DBN1: variants seen among roughly 807,000 people sequenced by gnomAD.
DBN1 encodes the protein drebrin.
Under a neutral mutation model 83.5 loss-of-function variants are expected in DBN1, and 21 were observed. That is an observed-to-expected ratio of 0.25 (90% CI 0.18 to 0.36). The LOEUF is 0.36. DBN1 is among the 10% of genes least tolerant of loss of function. DBN1 has a pLI of 1.00. For missense variants in DBN1, 874 were observed against 935.7 expected, an observed-to-expected ratio of 0.93 and a Z score of 0.86; for synonymous variants, 381 against 384.9, an observed-to-expected ratio of 0.99 and a Z score of 0.12.
At chr5:177,468,467 C>G in intron 2 of DBN1, 1 of 564,220 alleles carries the variant, frequency 1.8e-6, no homozygotes. Flanking sequence ...GTTTGTTCTT[C>G]ACACTCAGGT....
At chr5:177,468,773 G>A (rs1014589578) in intron 2 of DBN1, 71 bp downstream of exon 2, 15 of 1,107,368 alleles carry the variant, frequency 1.4e-5, no homozygotes, top group Non-Finnish European at 1.7e-5. Context: ...CCTACAGCCA[G>A]GTGGGTGGGG....
intron 1 of DBN1, chr5:177,472,264 C>T: frequency 6.2e-7 from 1 of 1,610,102 alleles, no homozygotes; most frequent in Non-Finnish European, 8.5e-7. Flanking sequence ...GGCTGCCCTC[C>T]CAGTGTGCGG....
In DBN1 at chr5:177,468,867, T is replaced by G. The variant is rs1250036632; in HGVS notation, c.119A>C (p.Asp40Ala). ...ACCTCCTGATGCTGCAAGCTTGAGGTCATCGGAGCCATCTTCATATGTGTA... is the reference window on the plus strand; with the variant it reads ...ACCTCCTGATGCTGCAAGCTTGAGGGCATCGGAGCCATCTTCATATGTGTA... ...ALYTYEDGSD[D>A]LKLAASGEGG... is the part of the protein sequence containing the mutation. Residue 40 changes from aspartate (D) to alanine (A), a missense_variant, in exon 2 of 15, where the codon GAC (aspartate) becomes GCC (alanine). Transcript: ENST00000393565. 7.6e-7 allele frequency: 1 copy of G among 1,321,250 alleles called. No homozygotes were observed. Among genetic ancestry groups the G allele is most frequent in the Non-Finnish European group, 9.7e-7 (1 of 1,026,466 alleles). The allele number at this position is 1,321,250 out of a possible 1,614,324, so 81.8% of individuals were successfully genotyped here.
Position 177,473,424 on chromosome 5 carries a change from C to T in DBN1, c.86+12G>A. ...GGGACAAAGGGGCCGGGGGCGGGGG[C>T]GGGGGGCTCACCAGTCGGCCGCGCT... On this transcript the variant is annotated intron_variant, in intron 1 of 14. Transcript: ENST00000393565. 2.2e-6 allele frequency: 3 copies of T among 1,335,464 alleles called. No individual in the cohort carries two copies. The highest frequency in any genetic ancestry group is 2.5e-5 in the Admixed American group (1 of 40,028). The allele number at this position is 1,335,464 out of a possible 1,614,324, so 82.7% of individuals were successfully genotyped here.
At chr5:177,458,017 C>G (rs570717315) in intron 13 of DBN1, 41 bp downstream of exon 13, 1 of 1,612,448 alleles carries the variant, frequency 6.2e-7, no homozygotes, top group Non-Finnish European at 8.5e-7. Context: ...GCTCAGCCCC[C>G]ACTCCCTCCC....
In DBN1 at chr5:177,466,866, G is replaced by T. The variant is rs765505485; in HGVS notation, c.708-31C>A. The T allele has an allele frequency of 2.5e-6, 4 of 1,613,694 alleles. No individual in the cohort carries two copies. The Admixed American group carries it at 6.7e-5, about 27-fold the overall frequency. Reference sequence around the variant, plus strand: ...ACGATAAGCAGCCAGCACCCGTCAGGGTGCGCCCGGGGGCCCCTGGAGCGC... The same window carrying T: ...ACGATAAGCAGCCAGCACCCGTCAGTGTGCGCCCGGGGGCCCCTGGAGCGC... On this transcript the variant is annotated intron_variant, in intron 7 of 14. Transcript: ENST00000393565. The surrounding 1 kb of genome is among the most constrained non-coding windows in gnomAD (Gnocchi z 4.8).
chr5:177,459,326 T>C, intron 11 of DBN1, 58 bp from the exon 12 acceptor site: 1 of 1,576,316 alleles, frequency 6.3e-7, no homozygotes, highest in Non-Finnish European at 8.5e-7. Flanking sequence ...GAGACAGGAT[T>C]GTCCACCTTG....
rs775591763 is a variant in DBN1 at position 177,458,467 on chromosome 5, T to G, written c.1505A>C (p.Asp502Ala). The change falls in exon 13 of 15, where the codon GAC becomes GCC. Residue 502 changes from aspartate to alanine, a missense_variant. Asp to Ala is a moderately radical substitution (Grantham distance 126). Transcript: ENST00000393565. ...IHDAADTIET[D>A]TATADTTVAN... ...AACAGTGGTGTCAGCAGTGGCAGTG[T>G]CAGTTTCAATGGTGTCAGCTGCATC... The G allele has an allele frequency of 2.1e-5, 34 of 1,613,614 alleles. No individual in the cohort carries two copies. Among genetic ancestry groups the G allele is most frequent in the East Asian group, 8.9e-5 (4 of 44,882 alleles).
In DBN1 at chr5:177,458,114, C is replaced by T. The variant is rs568033644; in HGVS notation, c.1858G>A (p.Glu620Lys). The change falls in exon 13 of 15, where the codon GAG becomes AAG. Residue 620 changes from glutamate to lysine, a missense_variant. This residue lies in a region of DBN1 where 725 missense variants were observed against 719.7 expected (regional missense o/e 1.01). Coordinates refer to ENST00000393565, the MANE Select transcript of DBN1 (RefSeq NM_001363541.2). The part of the protein sequence containing the change: ...SALEELEQEQ[E>K]PEPHLLTNGE... ...TTGGTTAGCAGGTGGGGCTCCGGCT[C>T]CTGCTCTTGCTCCAGCTCCTCAAGG... The T allele has an allele frequency of 5.6e-6, 9 of 1,613,600 alleles. No individual in the cohort carries two copies. In the Admixed American group the frequency reaches 1.5e-4, roughly 27 times the overall value.
chr5:177,459,005 C>T (rs1756792409), intron 12 of DBN1, 93 bp downstream of exon 12: 19 of 1,525,740 alleles, frequency 1.2e-5, no homozygotes, highest in Non-Finnish European at 1.6e-5. Flanking sequence ...ATGGGTGGCC[C>T]AGATCCCTGG....
Position 177,458,258 on chromosome 5 carries a change from C to T in DBN1, c.1714G>A (p.Gly572Ser). The T allele has an allele frequency of 6.2e-7, 1 of 1,613,776 alleles. No homozygotes were observed. The highest frequency in any genetic ancestry group is 8.5e-7 in the Non-Finnish European group (1 of 1,179,918). The change falls in exon 13 of 15, where the codon GGC becomes AGC. Residue 572 changes from glycine (G) to serine (S), a missense_variant. Gly to Ser is a moderately conservative substitution (Grantham distance 56). Around this residue, in one of 4 missense-constraint regions of DBN1, gnomAD observed 725 missense variants for 719.7 expected, o/e 1.01. Coordinates refer to ENST00000393565, the MANE Select transcript of DBN1 (RefSeq NM_001363541.2). ...APEPLLPAGE[G>S]CATLLNFDEL... ...TCAAAGTTGAGAAGGGTGGCACAGC[C>T]TTCGCCTGCTGGCAGCAGTGGCTCC...
At position 177,466,772 on chromosome 5, in the gene DBN1, A is replaced by G; in HGVS notation, c.771T>C (p.Phe257=). The G allele has an allele frequency of 6.2e-7, 1 of 1,614,138 alleles. No individual in the cohort carries two copies. The change falls in exon 8 of 15, where the codon TTT becomes TTC. Residue 257 remains phenylalanine, a splice_region_variant and synonymous_variant. Coordinates refer to ENST00000393565, the MANE Select transcript of DBN1 (RefSeq NM_001363541.2). The surrounding 1 kb of genome is among the most constrained non-coding windows in gnomAD (Gnocchi z 4.8). The part of the protein sequence containing the change: ...AKRRLKEQSI[F]GDHRDEEEET... ...CCGGGAGCCTTGGCAAAGAACTTAC[A>G]AAGATAGACTGCTCCTTCAACCGCC...
At chr5:177,459,468 G>A (rs953696331) in intron 11 of DBN1, 135 bp downstream of exon 11, 17 of 1,338,220 alleles carry the variant, frequency 1.3e-5, no homozygotes, top group East Asian at 2.7e-5. Context: ...AAGGCCAGGG[G>A]CAAGAGGCAG....
Position 177,457,849 on chromosome 5 carries a change from T to A in DBN1, c.1915-92A>T, listed in dbSNP as rs562864701. ...AGCCCGTTTCCCCAGCAACCAATGA[T>A]TCCATCAGTGGTTGCCAGGGAAACA... is the stretch of plus-strand genomic sequence containing the variant. On this transcript the variant is annotated intron_variant, in intron 13 of 14. Transcript: ENST00000393565. 5.4e-6 allele frequency: 6 copies of A among 1,102,918 alleles called. No individual in the cohort carries two copies. In the Admixed American group the frequency reaches 9.9e-5, roughly 18 times the overall value. 68.3% of individuals were successfully genotyped at this position (1,102,918 alleles called of 1,614,324 possible). A position where few individuals can be genotyped will look rare whatever the true frequency, so the allele number is the denominator to read the frequency against.
At position 177,467,726 on chromosome 5, in the gene DBN1, T is replaced by TG. The variant is rs1561686926; in HGVS notation, c.330+16dup. 1 of 1,552,474 alleles carries TG rather than the reference T, an allele frequency of 6.4e-7. No homozygotes were observed. On this transcript the variant is annotated intron_variant, in intron 4 of 14. Transcript: ENST00000393565. This position sits in a 1 kb window ranked among gnomAD's most constrained non-coding sequence, Gnocchi z 9.1. ...TGGCTGTCCCCACCCCCAAGAGCGCTGGCCCCTGACACGCACCTGGAAGAA... is the reference window on the plus strand; with the variant it reads ...TGGCTGTCCCCACCCCCAAGAGCGCTGGGCCCCTGACACGCACCTGGAAGAA...
intron 8 of DBN1, among the ~76,000 whole-genome samples, chr5:177,463,632 A>G (rs1757201753): frequency 6.6e-6 from 1 of 152,218 alleles, no homozygotes; most frequent in South Asian, 2.1e-4. Flanking sequence ...CTGAAATTGA[A>G]AGGGTACCAC....
Position 177,460,542 on chromosome 5 carries a change from A to C in DBN1, c.845T>G (p.Ile282Ser), listed in dbSNP as rs200707598. 1 of 1,614,128 alleles carries C rather than the reference A, an allele frequency of 6.2e-7. No homozygotes were observed. Among genetic ancestry groups the C allele is most frequent in the East Asian group, 2.2e-5 (1 of 44,876 alleles). ...TGGGTTGTCAGGCCGCTGGGCAATAATAGCTGCTGCCTCCTGAGGGCACGA... is the reference window on the plus strand; with the variant it reads ...TGGGTTGTCAGGCCGCTGGGCAATACTAGCTGCTGCCTCCTGAGGGCACGA... ...SESEVEEAAA[I>S]IAQRPDNPRE... Residue 282 changes from isoleucine to serine, a missense_variant, in exon 10 of 15, where the codon ATT (isoleucine) becomes AGT (serine). Physicochemically the swap from Ile to Ser is moderately radical, Grantham distance 142. Around this residue, in one of 4 missense-constraint regions of DBN1, gnomAD observed 725 missense variants for 719.7 expected, o/e 1.01. Transcript: ENST00000393565.
chr5:177,468,941 GGCC>G (rs746077876), intron 1 of DBN1, 42 bp from the exon 2 acceptor site: 20 of 1,278,718 alleles, frequency 1.6e-5, no homozygotes, highest in Non-Finnish European at 1.8e-5. Flanking sequence ...TCAGGGCCCA[GGCC>G]GCCAATTCTG....
Position 177,458,417 on chromosome 5 carries a change from T to A in DBN1, c.1555A>T (p.Thr519Ser), listed in dbSNP as rs752613857. 4 of 1,614,066 alleles carry A rather than the reference T, an allele frequency of 2.5e-6. No individual in the cohort carries two copies. The highest frequency in any genetic ancestry group is 2.2e-5 in the East Asian group (1 of 44,876). Residue 519 changes from threonine (T) to serine (S), a missense_variant, in exon 13 of 15, where the codon ACC (threonine) becomes TCC (serine). This residue lies in a region of DBN1 where 725 missense variants were observed against 719.7 expected (regional missense o/e 1.01). Coordinates refer to ENST00000393565, the MANE Select transcript of DBN1 (RefSeq NM_001363541.2). ...TVANNVPPAATSLIDLWPGNG... is the reference protein window; with the variant it reads ...TVANNVPPAASSLIDLWPGNG... Reference sequence around the variant, plus strand: ...CCAGGCCATAGGTCAATGAGGCTGGTGGCGGCGGGGGGTACGTTGTTGGCA... The same window carrying A: ...CCAGGCCATAGGTCAATGAGGCTGGAGGCGGCGGGGGGTACGTTGTTGGCA...
Sources: gnomAD v4.1 joint callset for allele counts (sites outside exome capture counted in the v4.1 genomes callset) on GRCh38, gnomAD v4.1.1 for gene constraint, gnomAD v4.1.1 regional missense constraint, Gnocchi (gnomAD v3.1) non-coding constraint, MANE v1.5 for transcripts, NCBI Gene and HGNC (gene_info 2026-07-23, HGNC 2026-07-21) for gene names.